Variants in ANG observed in about 807,000 individuals in gnomAD.
ANG encodes the protein angiogenin.
For missense variants in ANG, 178 were observed against 187.4 expected, an observed-to-expected ratio of 0.95 and a Z score of 0.29; for synonymous variants, 74 against 73.8, an observed-to-expected ratio of 1.00 and a Z score of -0.02.
Position 20,693,999 on chromosome 14 carries a change from T to C in ANG, c.435T>C (p.Arg145=). Residue 145 remains arginine, a synonymous_variant, in exon 2 of 2, where the codon CGT becomes CGC. Coordinates refer to ENST00000397990, the MANE Select transcript of ANG (RefSeq NM_001097577.3). ...TCCACTTGGATCAGTCAATTTTCCG[T>C]CGTCCGTAACCAGCGGGCCCCTGGT... ...LPVHLDQSIF[R]RP The C allele has an allele frequency of 2.5e-6, 4 of 1,614,144 alleles. No homozygotes were observed. The highest frequency in any genetic ancestry group is 3.4e-6 in the Non-Finnish European group (4 of 1,180,034).
chr14:20,692,530 T>A, intron 1 of ANG, among the ~76,000 whole-genome samples: 1 of 152,246 alleles, frequency 6.6e-6, no homozygotes, highest in East Asian at 1.9e-4. Context: ...AGCATTAGAT[T>A]CTCATAGGAG....
upstream of ANG, among the ~76,000 whole-genome samples, chr14:20,685,334 C>T (rs1247960134): frequency 6.6e-6 from 1 of 152,178 alleles, no homozygotes; most frequent in Non-Finnish European, 1.5e-5. Flanking sequence ...CTAATAGCAG[C>T]ACATGAGTAA....
chr14:20,690,254 G>C (rs866423922), intron 1 of ANG, among the ~76,000 whole-genome samples: 1 of 129,398 alleles, frequency 7.7e-6, no homozygotes, highest in Non-Finnish European at 1.7e-5. Context: ...AAAAAGAAAA[G>C]AAAAGAAAAA....
Position 20,693,859 on chromosome 14 carries a change from T to G in ANG, c.295T>G (p.Ser99Ala). ...AGAAAACCTAAGAATAAGCAAGTCT[T>G]CTTTCCAGGTCACCACTTGCAAGCT... ...HRENLRISKS[S>A]FQVTTCKLHG... Residue 99 changes from serine to alanine, a missense_variant, in exon 2 of 2, where the codon TCT (serine) becomes GCT (alanine). Coordinates refer to ENST00000397990, the MANE Select transcript of ANG (RefSeq NM_001097577.3). The G allele has an allele frequency of 6.2e-7, 1 of 1,614,184 alleles. No individual in the cohort carries two copies. Among genetic ancestry groups the G allele is most frequent in the Non-Finnish European group, 8.5e-7 (1 of 1,180,032 alleles).
upstream of ANG, among the ~76,000 whole-genome samples, chr14:20,687,595 AG>A (rs1274423419): frequency 6.6e-6 from 1 of 152,170 alleles, no homozygotes; most frequent in African/African-American, 2.4e-5. Flanking sequence ...TTGCTTATGA[AG>A]GGTTCAAAGT....
upstream of ANG, among the ~76,000 whole-genome samples, chr14:20,685,579 G>T (rs1285180444): frequency 6.6e-6 from 1 of 152,174 alleles, no homozygotes; most frequent in African/African-American, 2.4e-5. Context: ...CAAGAGGATA[G>T]GTTTATTACA....
At chr14:20,689,323 C>T (rs1886580057) in intron 1 of ANG, among the ~76,000 whole-genome samples, 1 of 152,144 alleles carries the variant, frequency 6.6e-6, no homozygotes, top group African/African-American at 2.4e-5. Context: ...ATCCCAAGAT[C>T]AAAAGAAGGC....
At chr14:20,692,998 C>T (rs533512812) in intron 1 of ANG, among the ~76,000 whole-genome samples, 389 of 151,982 alleles carry the variant, frequency 2.6e-3, no homozygotes, top group Non-Finnish European at 4.4e-3. Flanking sequence ...CAGGCGCCCG[C>T]CACTACGCCC....
chr14:20,693,627 G>A lies in ANG; in HGVS notation c.63G>A (p.Pro21=). 6.2e-7 allele frequency: 1 copy of A among 1,614,062 alleles called. No homozygotes were observed. The highest frequency in any genetic ancestry group is 8.5e-7 in the Non-Finnish European group (1 of 1,180,028). The change falls in exon 2 of 2, where the codon CCG becomes CCA. Residue 21 remains proline (P), a synonymous_variant. Coordinates refer to ENST00000397990, the MANE Select transcript of ANG (RefSeq NM_001097577.3). ...TGCTGGGTCTGGGTCTGACCCCACC[G>A]ACCCTGGCTCAGGATAACTCCAGGT... ...VFVLGLGLTP[P]TLAQDNSRYT...
chr14:20,690,518 G>A (rs1886691846), intron 1 of ANG, among the ~76,000 whole-genome samples: 1 of 152,170 alleles, frequency 6.6e-6, no homozygotes, highest in Admixed American at 6.5e-5. Context: ...GGGAGCAGAT[G>A]TTAGATATTG....
chr14:20,693,049 G>C (rs1004168646), intron 1 of ANG, among the ~76,000 whole-genome samples: 2 of 151,464 alleles, frequency 1.3e-5, no homozygotes, highest in Non-Finnish European at 2.9e-5. Flanking sequence ...GGGTTTCACC[G>C]TGGTAGCCAG....
At chr14:20,688,556 G>A (rs2139004225), upstream of ANG, 2 of 372,574 alleles carry the variant, frequency 5.4e-6, no homozygotes, top group Non-Finnish European at 7.4e-6. Context: ...GCAGAAAAGG[G>A]CAACTTTTGG....
At chr14:20,686,625 G>A (rs112887595), upstream of ANG, among the ~76,000 whole-genome samples, 191 of 152,328 alleles carry the variant, frequency 1.3e-3, no homozygotes, top group African/African-American at 4.0e-3. Flanking sequence ...AAAAGCAAAT[G>A]TTTAATTTTT....
chr14:20,693,532 T>G lies in ANG; in HGVS notation c.-18-15T>G. On this transcript the variant is annotated splice_polypyrimidine_tract_variant and intron_variant, in intron 1 of 1. Coordinates refer to ENST00000397990, the MANE Select transcript of ANG (RefSeq NM_001097577.3). ...CTGTTCTTGGGTCTACCACACCTCCTTTTGCCCTCCGCAGGAGCCTGTGTT... is the reference window on the plus strand; with the variant it reads ...CTGTTCTTGGGTCTACCACACCTCCGTTTGCCCTCCGCAGGAGCCTGTGTT... 6.2e-7 allele frequency: 1 copy of G among 1,608,850 alleles called. No homozygotes were observed.
chr14:20,690,504 G>T (rs1282885935), intron 1 of ANG, among the ~76,000 whole-genome samples: 1 of 152,134 alleles, frequency 6.6e-6, no homozygotes, highest in African/African-American at 2.4e-5. Flanking sequence ...AAAGTTTTGA[G>T]TGAGGGAGCA....
intron 1 of ANG, 66 bp downstream of exon 1, chr14:20,688,940 T>C: frequency 1.2e-6 from 1 of 854,250 alleles, no homozygotes; most frequent in Non-Finnish European, 1.4e-6. Flanking sequence ...ATGAAACCAT[T>C]TTCCTCCCTT....
upstream of ANG, chr14:20,688,694 T>C: frequency 1.0e-6 from 1 of 985,366 alleles, no homozygotes; most frequent in Non-Finnish European, 1.2e-6. Context: ...TCAAGAGCAG[T>C]GTCCTTGGTT....
intron 1 of ANG, among the ~76,000 whole-genome samples, chr14:20,692,610 T>C (rs1014275682): frequency 3.9e-5 from 6 of 152,230 alleles, no homozygotes; most frequent in African/African-American, 1.4e-4. Flanking sequence ...ATCTAACTAA[T>C]GCTTGATGAT....
chr14:20,691,957 T>C (rs1886774814), intron 1 of ANG, among the ~76,000 whole-genome samples: 1 of 152,250 alleles, frequency 6.6e-6, no homozygotes, highest in South Asian at 2.1e-4. Context: ...CCATGGCCTT[T>C]TTTTAAGCTC....
Sources: allele counts gnomAD v4.1 joint callset (sites outside exome capture counted in the v4.1 genomes callset), GRCh38; gene constraint gnomAD v4.1.1; transcripts MANE v1.5; gene names NCBI Gene and HGNC (gene_info 2026-07-23, HGNC 2026-07-21).